CDH12: variants seen among roughly 807,000 people sequenced by gnomAD.
CDH12 encodes cadherin 12.
A neutral mutation model predicts 74.1 loss-of-function variants in CDH12; 41 were observed. The observed-to-expected ratio is 0.55, with a 90% CI of 0.43 to 0.72. The LOEUF (loss-of-function observed/expected upper bound fraction) is 0.72. Among genes scored for constraint, CDH12 ranks in the 30% least tolerant of loss-of-function variants. The pLI, the probability that CDH12 is intolerant of heterozygous loss-of-function variation, is 0.00. For missense variants in CDH12, 945 were observed against 977.2 expected (o/e 0.97, Z 0.44); for synonymous variants, 399 against 355.0 (o/e 1.12, Z -1.39).
chr5:22,183,377 T>C (rs1749753075), intron 4 of CDH12, among the ~76,000 whole-genome samples: 1 of 152,176 alleles, frequency 6.6e-6, no homozygotes, highest in Non-Finnish European at 1.5e-5. Flanking sequence ...GTAAAGTGCA[T>C]GGGACAGAAA....
At chr5:21,966,577 G>A (rs903675776) in intron 6 of CDH12, among the ~76,000 whole-genome samples, 6 of 152,088 alleles carry the variant, frequency 3.9e-5, no homozygotes, top group South Asian at 4.1e-4. Context: ...TGCCTGTCAC[G>A]TAGGTATTGA....
intron 1 of CDH12, among the ~76,000 whole-genome samples, chr5:22,852,772 A>G (rs1737614155): frequency 6.6e-6 from 1 of 152,214 alleles, no homozygotes; most frequent in African/African-American, 2.4e-5. Context: ...TCATTTGAAA[A>G]TTTAGCCATG....
intron 3 of CDH12, among the ~76,000 whole-genome samples, chr5:22,257,351 T>TA (rs1561260832): frequency 6.6e-6 from 1 of 152,036 alleles, no homozygotes; most frequent in Admixed American, 6.6e-5. Flanking sequence ...GTTAAAAATT[T>TA]AAAAAAATTA....
chr5:22,549,699 T>C (rs893706628), intron 1 of CDH12, among the ~76,000 whole-genome samples: 1 of 152,236 alleles, frequency 6.6e-6, no homozygotes, highest in Non-Finnish European at 1.5e-5. Context: ...TGTACTGTTC[T>C]TGTTGGTGTC....
intron 4 of CDH12, among the ~76,000 whole-genome samples, chr5:22,132,185 A>C (rs1278985927): frequency 6.6e-6 from 1 of 151,974 alleles, no homozygotes; most frequent in East Asian, 1.9e-4. Context: ...GAAGTGCTAC[A>C]ACCTCCTTCC....
chr5:22,340,661 A>G (rs1323338997), intron 3 of CDH12, among the ~76,000 whole-genome samples: 4 of 152,226 alleles, frequency 2.6e-5, no homozygotes, highest in South Asian at 4.1e-4. Context: ...ATAAATGTAT[A>G]CCATTACAAG....
At chr5:22,630,237 CA>C (rs1298944557) in intron 1 of CDH12, among the ~76,000 whole-genome samples, 1 of 151,990 alleles carries the variant, frequency 6.6e-6, no homozygotes. Flanking sequence ...CATCATTCAT[CA>C]CAGAATTAGA....
intron 3 of CDH12, among the ~76,000 whole-genome samples, chr5:22,395,649 C>T (rs753906018): frequency 4.6e-5 from 7 of 151,964 alleles, no homozygotes; most frequent in Non-Finnish European, 7.4e-5. Context: ...TCTAATATAT[C>T]TAAGCAGAAA....
chr5:22,804,714 A>G (rs1748698430), intron 1 of CDH12, among the ~76,000 whole-genome samples: 1 of 152,188 alleles, frequency 6.6e-6, no homozygotes, highest in Non-Finnish European at 1.5e-5. Flanking sequence ...TACCAGACCA[A>G]CAAAATACCT....
chr5:21,840,233 T>C (rs550242997), intron 8 of CDH12, among the ~76,000 whole-genome samples: 102 of 152,266 alleles, frequency 6.7e-4, no homozygotes, highest in Non-Finnish European at 1.1e-3. Flanking sequence ...AGGCTCCATA[T>C]TACATTAGAT....
At chr5:22,558,036 T>TA in intron 1 of CDH12, among the ~76,000 whole-genome samples, 1 of 152,134 alleles carries the variant, frequency 6.6e-6, no homozygotes, top group East Asian at 1.9e-4. Flanking sequence ...AAACTCTTGG[T>TA]AAAAATCATG....
In CDH12 at chr5:22,058,952, T is replaced by C. The variant is rs560932010; in HGVS notation, c.231+19494A>G. Among the ~76,000 whole-genome samples the C allele has an allele frequency of 5.9e-5, 9 of 152,278 alleles. No homozygotes were observed. In the South Asian group the frequency reaches 1.9e-3, roughly 32 times the overall value. On this transcript the variant is annotated intron_variant, in intron 5 of 14. Coordinates refer to ENST00000382254, the MANE Select transcript of CDH12 (RefSeq NM_004061.5). ...CTTAAATAAAAGAATGCCTCTTCAA[T>C]TATTTTATATATGTTAAATTATTCC...
intron 1 of CDH12, among the ~76,000 whole-genome samples, chr5:22,702,058 T>C (rs1380383910): frequency 6.6e-6 from 1 of 152,216 alleles, no homozygotes; most frequent in Non-Finnish European, 1.5e-5. Flanking sequence ...GTTGTTGTTT[T>C]ATTCAGTGTT....
chr5:22,835,771 AG>A (rs1197123074), intron 1 of CDH12, among the ~76,000 whole-genome samples: 1 of 152,208 alleles, frequency 6.6e-6, no homozygotes, highest in African/African-American at 2.4e-5. Flanking sequence ...GCAAATCTCC[AG>A]AAAGCTGTCC....
chr5:22,719,054 A>G (rs139159769), intron 1 of CDH12, among the ~76,000 whole-genome samples: 70 of 152,256 alleles, frequency 4.6e-4, no homozygotes, highest in Middle Eastern at 3.4e-3. Flanking sequence ...AGGAGCCCCA[A>G]ATTGATAGCC....
chr5:21,818,783 A>G (rs541511157), intron 8 of CDH12, among the ~76,000 whole-genome samples: 2 of 151,952 alleles, frequency 1.3e-5, no homozygotes, highest in Non-Finnish European at 1.5e-5. Context: ...TCAAAAATGC[A>G]CTTAAAAGTT....
intron 3 of CDH12, among the ~76,000 whole-genome samples, chr5:22,299,718 T>C (rs1323681186): frequency 6.6e-6 from 1 of 152,194 alleles, no homozygotes; most frequent in African/African-American, 2.4e-5. Context: ...ATTCCAGCTG[T>C]TAGATAAATA....
chr5:21,964,279 T>A (rs560860855), intron 6 of CDH12, among the ~76,000 whole-genome samples: 1 of 152,198 alleles, frequency 6.6e-6, no homozygotes, highest in Admixed American at 6.6e-5. Context: ...ATGTTGTTTT[T>A]CCAATAATAA....
chr5:22,625,031 A>T (rs1321425170), intron 1 of CDH12, among the ~76,000 whole-genome samples: 1 of 152,158 alleles, frequency 6.6e-6, no homozygotes, highest in Non-Finnish European at 1.5e-5. Flanking sequence ...GAAGCTAGAA[A>T]CTATCATTCT....
Sources: allele counts gnomAD v4.1 joint callset (sites outside exome capture counted in the v4.1 genomes callset), GRCh38; gene constraint gnomAD v4.1.1; transcripts MANE v1.5; gene names NCBI Gene and HGNC (gene_info 2026-07-23, HGNC 2026-07-21).